The following GNB5 variants were observed in gnomAD, a reference collection of about 807,000 sequenced individuals.
GNB5 encodes guanine nucleotide-binding protein subunit beta-5.
GNB5 carries 37 observed loss-of-function variants against 55.3 expected under a neutral mutation model. The observed-to-expected ratio is 0.67, with a 90% confidence interval of 0.51 to 0.88. The LOEUF is 0.88. Among genes scored for constraint, GNB5 ranks in the 40% least tolerant of loss-of-function variants. GNB5 has a pLI of 0.00. For missense variants in GNB5, 476 were observed against 515.3 expected, an observed-to-expected ratio of 0.92 and a Z score of 0.74; for synonymous variants, 219 against 198.5, an observed-to-expected ratio of 1.10 and a Z score of -0.87.
intron 9 of GNB5, 117 bp downstream of exon 9, chr15:52,133,261 G>A (rs752319491): frequency 3.9e-5 from 26 of 659,534 alleles, no homozygotes; most frequent in Non-Finnish European, 6.5e-5. Context: ...TTTCTTCCCG[G>A]GGAGGCCTCT....
intron 3 of GNB5, among the ~76,000 whole-genome samples, chr15:52,160,030 C>G (rs1229539218): frequency 1.3e-5 from 2 of 151,908 alleles, no homozygotes; most frequent in African/African-American, 2.4e-5. Flanking sequence ...TCACTGTAAC[C>G]TCTGCCTCCT....
intron 11 of GNB5, chr15:52,125,034 G>A (rs41277706): frequency 0.031 from 5,029 of 161,844 alleles, 82 homozygotes; most frequent in Middle Eastern, 0.057. Context: ...GGCTCTTGAG[G>A]GTTGAATCGG....
chr15:52,132,754 C>T (rs2033611518), intron 9 of GNB5, among the ~76,000 whole-genome samples: 2 of 151,536 alleles, frequency 1.3e-5, no homozygotes, highest in Non-Finnish European at 2.9e-5. Flanking sequence ...CTTTTAAAGG[C>T]AAAACATGAT....
chr15:52,144,990 T>A (rs1009583400), intron 6 of GNB5, among the ~76,000 whole-genome samples: 10 of 152,316 alleles, frequency 6.6e-5, no homozygotes, highest in African/African-American at 2.4e-4. Flanking sequence ...ACTGTGGTAG[T>A]AAGTACAGCA....
intron 2 of GNB5, among the ~76,000 whole-genome samples, chr15:52,181,477 G>A (rs2034768355): frequency 1.3e-5 from 2 of 152,106 alleles, no homozygotes; most frequent in African/African-American, 4.8e-5. Flanking sequence ...TTAGTCGGGC[G>A]TGGTGGTACG....
At position 52,133,387 on chromosome 15, in the gene GNB5, T is replaced by C. The variant is rs2033627038; in HGVS notation, c.854A>G (p.Asn285Ser). The change falls in exon 9 of 13, where the codon AAC (asparagine) becomes AGC (serine). Residue 285 changes from asparagine to serine, a missense_variant. Asn to Ser is a conservative substitution (Grantham distance 46, BLOSUM62 1). Transcript: ENST00000261837. ...QAFETHESDINSVRYYPSGDA... is the reference protein window; with the variant it reads ...QAFETHESDISSVRYYPSGDA... The stretch of plus-strand genomic sequence containing the variant: ...CATTCTACTCACTGACCGGACACTG[T>C]TGATGTCAGATTCATGTGTTTCAAA... 1.3e-6 allele frequency: 2 copies of C among 1,599,168 alleles called. No individual in the cohort carries two copies. Among genetic ancestry groups the C allele is most frequent in the Non-Finnish European group, 1.7e-6 (2 of 1,166,316 alleles).
chr15:52,128,518 C>T, intron 9 of GNB5: 1 of 612,216 alleles, frequency 1.6e-6, no homozygotes, highest in Non-Finnish European at 3.0e-6. Flanking sequence ...AATATAGTTT[C>T]CCTCAATCAC....
At chr15:52,130,471 AT>A (rs1394269348) in intron 9 of GNB5, among the ~76,000 whole-genome samples, 2 of 152,234 alleles carry the variant, frequency 1.3e-5, no homozygotes, top group Non-Finnish European at 2.9e-5. Context: ...AAAAATGGCC[AT>A]TTAAAATTTT....
At position 52,116,946 on chromosome 15, in the gene GNB5, CAG is replaced by C. The variant is rs2033153232; in HGVS notation, c.*5809_*5810del. 1 of 147,280 alleles carries C rather than the reference CAG, an allele frequency of 6.8e-6. No homozygotes were observed. 9.1% of individuals were successfully genotyped at this position (147,280 alleles called of 1,614,324 possible). On this transcript the variant is annotated 3_prime_UTR_variant, in exon 13 of 13. Transcript: ENST00000261837. Reference sequence around the variant, plus strand: ...TTTTTTTTTCTTTGTTTTTTTGAGTCAGAGTCTCGCTCTGTCGCCCAGGCTGG... The same window carrying C: ...TTTTTTTTTCTTTGTTTTTTTGAGTCAGTCTCGCTCTGTCGCCCAGGCTGG...
intron 1 of GNB5, among the ~76,000 whole-genome samples, chr15:52,189,668 CAA>C (rs774628063): frequency 4.6e-5 from 7 of 151,902 alleles, no homozygotes; most frequent in Non-Finnish European, 8.8e-5. Flanking sequence ...GAAAGCAACC[CAA>C]GTGTCCACCA....
chr15:52,163,265 C>T (rs1462823121), intron 3 of GNB5, among the ~76,000 whole-genome samples: 1 of 152,218 alleles, frequency 6.6e-6, no homozygotes, highest in East Asian at 1.9e-4. Context: ...GGCAGCGTGG[C>T]CACACACGGA....
rs370722899 is a variant in GNB5 at position 52,116,197 on chromosome 15, C to T, written c.*6560G>A. Reference sequence around the variant, plus strand: ...AGGCTGCCAATTACCGTGGAAAACACACAGGTTGGAAACAGTGACCTCTGC... The same window carrying T: ...AGGCTGCCAATTACCGTGGAAAACATACAGGTTGGAAACAGTGACCTCTGC... On this transcript the variant is annotated 3_prime_UTR_variant, in exon 13 of 13. Transcript: ENST00000261837. The T allele has an allele frequency of 2.0e-5, 3 of 152,210 alleles. No homozygotes were observed. The highest frequency in any genetic ancestry group is 2.9e-5 in the Non-Finnish European group (2 of 68,042). 9.4% of individuals were successfully genotyped at this position (152,210 alleles called of 1,614,324 possible).
chr15:52,149,097 G>A (rs1355880563), intron 5 of GNB5, among the ~76,000 whole-genome samples: 2 of 152,150 alleles, frequency 1.3e-5, no homozygotes, highest in Admixed American at 6.6e-5. Flanking sequence ...TTAGGGACTC[G>A]ACTCTACAAA....
intron 11 of GNB5, 158 bp from the exon 12 acceptor site, chr15:52,124,797 T>A: frequency 3.2e-6 from 2 of 618,364 alleles, no homozygotes; most frequent in Non-Finnish European, 5.8e-6. Flanking sequence ...GAAAGCACAG[T>A]CCCTGTCCCT....
intron 7 of GNB5, among the ~76,000 whole-genome samples, chr15:52,136,636 T>C (rs1471028994): frequency 6.6e-6 from 1 of 152,148 alleles, no homozygotes; most frequent in Non-Finnish European, 1.5e-5. Context: ...CCCAGAGGCT[T>C]CCCAGGACCA....
intron 3 of GNB5, among the ~76,000 whole-genome samples, chr15:52,164,802 C>G (rs2034417313): frequency 1.3e-5 from 2 of 152,028 alleles, no homozygotes; most frequent in Non-Finnish European, 1.5e-5. Context: ...CAGAGTGCCT[C>G]TTCTCCACGT....
chr15:52,149,643 T>A, intron 5 of GNB5: 1 of 597,676 alleles, frequency 1.7e-6, no homozygotes, highest in Non-Finnish European at 3.0e-6. Flanking sequence ...CATGTTGGTA[T>A]TGGCAGCCCC....
At chr15:52,138,012 A>G (rs976558504) in intron 7 of GNB5, 2 of 1,213,042 alleles carry the variant, frequency 1.6e-6, no homozygotes, top group African/African-American at 1.6e-5. Flanking sequence ...TGACCACACC[A>G]CACCTTCAAT....
chr15:52,176,825 C>T (rs867252082), intron 3 of GNB5, among the ~76,000 whole-genome samples: 3 of 152,148 alleles, frequency 2.0e-5, no homozygotes, highest in African/African-American at 7.2e-5. Flanking sequence ...TCTCTCAAAA[C>T]CCTCCAAGGG....
Sources: allele counts gnomAD v4.1 joint callset (sites outside exome capture counted in the v4.1 genomes callset), GRCh38; gene constraint gnomAD v4.1.1; transcripts MANE v1.5; gene names NCBI Gene and HGNC (gene_info 2026-07-23, HGNC 2026-07-21).